Variants in ROBO2 observed in about 807,000 individuals in gnomAD.
The protein encoded by ROBO2 is roundabout guidance receptor 2, also known as roundabout homolog 2.
A neutral mutation model predicts 160.8 loss-of-function variants in ROBO2; 53 were observed. The observed-to-expected ratio is 0.33, with a 90% confidence interval of 0.26 to 0.41. The LOEUF (loss-of-function observed/expected upper bound fraction) is 0.41, where lower values mean the gene tolerates loss of function less well. Among genes scored for constraint, ROBO2 ranks in the 10% least tolerant of loss-of-function variants. ROBO2 has a pLI of 1.00. For synonymous variants in ROBO2, 664 were observed against 611.7 expected (o/e 1.09, Z -1.26); for missense variants, 1,577 against 1,722.4 (o/e 0.92, Z 1.49).
At chr3:77,102,310 G>C (rs1201412300) in intron 2 of ROBO2, among the ~76,000 whole-genome samples, 3 of 152,076 alleles carry the variant, frequency 2.0e-5, no homozygotes, top group South Asian at 4.1e-4. Flanking sequence ...TTGCGTGGGT[G>C]GGTGGATTGT....
intron 19 of ROBO2, among the ~76,000 whole-genome samples, chr3:77,598,732 C>T (rs1249389270): frequency 6.6e-6 from 1 of 151,998 alleles, no homozygotes; most frequent in African/African-American, 2.4e-5. Flanking sequence ...GAGCAACTGT[C>T]AGCTATCACT....
At chr3:76,593,219 A>G (rs2086528075) in intron 2 of ROBO2, among the ~76,000 whole-genome samples, 1 of 152,102 alleles carries the variant, frequency 6.6e-6, no homozygotes, top group African/African-American at 2.4e-5. Context: ...ACCAAAGTGA[A>G]CAATATCCTT....
At chr3:76,395,687 T>C (rs563323330) in intron 2 of ROBO2, among the ~76,000 whole-genome samples, 6 of 152,052 alleles carry the variant, frequency 3.9e-5, no homozygotes, top group Non-Finnish European at 8.8e-5. Flanking sequence ...GAGAATACTA[T>C]AAACACCTCT....
intron 2 of ROBO2, among the ~76,000 whole-genome samples, chr3:77,231,870 A>C (rs2087261639): frequency 2.0e-5 from 3 of 152,146 alleles, no homozygotes; most frequent in Admixed American, 2.0e-4. Flanking sequence ...TCTATCCTTG[A>C]GGCTCTACTG....
intron 2 of ROBO2, among the ~76,000 whole-genome samples, chr3:75,947,912 G>C (rs1249873161): frequency 2.0e-5 from 3 of 151,982 alleles, no homozygotes; most frequent in South Asian, 2.1e-4. Context: ...AATACTTCAG[G>C]CTTTTTAAAG....
intron 2 of ROBO2, among the ~76,000 whole-genome samples, chr3:76,439,314 C>A (rs192594742): frequency 3.7e-5 from 2 of 53,376 alleles, no homozygotes; most frequent in Non-Finnish European, 8.7e-5. Context: ...AGAAGAGGTA[C>A]GAAGAGCTGA....
At chr3:76,330,677 A>C (rs539369807) in intron 2 of ROBO2, among the ~76,000 whole-genome samples, 2 of 152,218 alleles carry the variant, frequency 1.3e-5, no homozygotes, top group Non-Finnish European at 2.9e-5. Context: ...TCAATGGCCC[A>C]TCCTCATATA....
chr3:77,481,272 T>G (rs2153588916), intron 4 of ROBO2, 53 bp downstream of exon 4: 1 of 1,415,702 alleles, frequency 7.1e-7, no homozygotes, highest in South Asian at 1.7e-5. Context: ...TTTTCTTTGC[T>G]TTTAAGTATT....
At chr3:76,622,237 A>AGAAAGAAAGAAAGAAAGAAAGAAG (rs2089194233) in intron 2 of ROBO2, among the ~76,000 whole-genome samples, 1 of 40,244 alleles carries the variant, frequency 2.5e-5, no homozygotes, top group African/African-American at 1.2e-4. Flanking sequence ...GAAGGAAGGA[A>AGAAAGAAAGAAAGAAAGAAAGAAG]GAAAGAAAGA....
intron 1 of ROBO2, among the ~76,000 whole-genome samples, chr3:75,923,137 A>C (rs189336763): frequency 2.0e-3 from 305 of 152,312 alleles, no homozygotes; most frequent in African/African-American, 7.0e-3. Context: ...TTATAGAGGA[A>C]GGTTTTTTTT....
At chr3:76,030,634 C>T (rs569036152) in intron 2 of ROBO2, among the ~76,000 whole-genome samples, 100 of 152,272 alleles carry the variant, frequency 6.6e-4, no homozygotes, top group African/African-American at 2.4e-3. Flanking sequence ...ATCCTTTCCC[C>T]ATTTCTTGTA....
intron 2 of ROBO2, among the ~76,000 whole-genome samples, chr3:76,428,572 G>GT (rs2076311502): frequency 6.6e-6 from 1 of 151,940 alleles, no homozygotes; most frequent in African/African-American, 2.4e-5. Flanking sequence ...TAAGGAGTTG[G>GT]TTTTTGCTTT....
chr3:77,198,618 C>T (rs777458319), intron 2 of ROBO2, among the ~76,000 whole-genome samples: 2 of 152,106 alleles, frequency 1.3e-5, no homozygotes, highest in African/African-American at 4.8e-5. Context: ...ATTTTATTTA[C>T]GGCCAGGCGC....
At chr3:77,203,529 A>G (rs1359816108) in intron 2 of ROBO2, among the ~76,000 whole-genome samples, 1 of 152,236 alleles carries the variant, frequency 6.6e-6, no homozygotes, top group African/African-American at 2.4e-5. Flanking sequence ...GCTGAAATTT[A>G]AAATGTCAGT....
intron 2 of ROBO2, among the ~76,000 whole-genome samples, chr3:76,360,607 C>T (rs953476389): frequency 5.3e-5 from 8 of 152,034 alleles, no homozygotes; most frequent in East Asian, 1.9e-4. Context: ...GTTTCCTTAA[C>T]GAAGACTTTT....
At chr3:76,450,913 C>G (rs2077442418) in intron 2 of ROBO2, among the ~76,000 whole-genome samples, 1 of 152,086 alleles carries the variant, frequency 6.6e-6, no homozygotes, top group East Asian at 1.9e-4. Flanking sequence ...TCATAATAAG[C>G]CAGGTTGTCC....
intron 2 of ROBO2, among the ~76,000 whole-genome samples, chr3:77,331,128 T>A (rs72897218): frequency 2.3e-3 from 350 of 152,362 alleles, no homozygotes; most frequent in African/African-American, 8.0e-3. Flanking sequence ...GTTCAGTAGA[T>A]GTTTAGGGTA....
chr3:77,637,151 T>C lies in ROBO2; in HGVS notation c.3934+2108T>C, dbSNP rs1388781574. Among the ~76,000 whole-genome samples, 3 of 152,200 alleles carry C rather than the reference T, an allele frequency of 2.0e-5. No homozygotes were observed. In the East Asian group the frequency reaches 5.8e-4, roughly 29 times the overall value. ...ATATTCAGATTTAATTATTCTGGGGTGAAACCCAGTTACAGGTAATTTTAA... is the reference window on the plus strand; with the variant it reads ...ATATTCAGATTTAATTATTCTGGGGCGAAACCCAGTTACAGGTAATTTTAA... On this transcript the variant is annotated intron_variant, in intron 24 of 25. Transcript: ENST00000461745.
chr3:77,542,449 G>A (rs1450353986), intron 6 of ROBO2, among the ~76,000 whole-genome samples: 1 of 152,134 alleles, frequency 6.6e-6, no homozygotes, highest in African/African-American at 2.4e-5. Flanking sequence ...ATAAGTTCTG[G>A]TGACAATAGT....
Sources: allele counts gnomAD v4.1 joint callset (sites outside exome capture counted in the v4.1 genomes callset), GRCh38; gene constraint gnomAD v4.1.1; transcripts MANE v1.5; gene names NCBI Gene and HGNC (gene_info 2026-07-23, HGNC 2026-07-21).